FAM110B: variants seen among roughly 807,000 people sequenced by gnomAD.
FAM110B encodes family with sequence similarity 110 member B, also known as protein FAM110B.
FAM110B carries 6 observed loss-of-function variants against 20.4 expected under a neutral mutation model. That is an observed-to-expected ratio of 0.29 (90% CI 0.16 to 0.58). The LOEUF (loss-of-function observed/expected upper bound fraction) is 0.58. FAM110B is among the 20% of genes least tolerant of loss of function. FAM110B has a pLI of 0.90. For missense variants in FAM110B, 434 were observed against 498.2 expected (o/e 0.87, Z 1.23); for synonymous variants, 226 against 214.1 (o/e 1.06, Z -0.49).
chr8:58,039,641 G>C (rs1270783883), intron 2 of FAM110B, among the ~76,000 whole-genome samples: 2 of 152,196 alleles, frequency 1.3e-5, no homozygotes, highest in Admixed American at 6.5e-5. Context: ...AGTACAGCAG[G>C]AATTTCAGAG....
chr8:58,098,168 G>A (rs992613778), intron 3 of FAM110B, among the ~76,000 whole-genome samples: 1 of 152,230 alleles, frequency 6.6e-6, no homozygotes. Flanking sequence ...CAGGTGTTCT[G>A]TCCCAGGGAG....
At chr8:58,071,618 C>G (rs562982472) in intron 2 of FAM110B, among the ~76,000 whole-genome samples, 10 of 152,232 alleles carry the variant, frequency 6.6e-5, no homozygotes, top group African/African-American at 1.9e-4. Flanking sequence ...CCTCCCTCCC[C>G]ACCCCACATT....
chr8:58,093,792 A>G (rs779439727), intron 3 of FAM110B, among the ~76,000 whole-genome samples: 14 of 152,124 alleles, frequency 9.2e-5, no homozygotes, highest in African/African-American at 1.4e-4. Context: ...AAGAAAATCA[A>G]TGGTAGCTTG....
At chr8:58,085,025 G>A (rs1425880070) in intron 3 of FAM110B, among the ~76,000 whole-genome samples, 5 of 152,196 alleles carry the variant, frequency 3.3e-5, no homozygotes, top group Admixed American at 2.6e-4. Flanking sequence ...GGCAGTCAGA[G>A]TAGGGATTGA....
intron 2 of FAM110B, among the ~76,000 whole-genome samples, chr8:58,064,434 A>G (rs1805721434): frequency 6.6e-6 from 1 of 151,958 alleles, no homozygotes; most frequent in Non-Finnish European, 1.5e-5. Context: ...AAATTGCCTC[A>G]TGGAAAAAGT....
chr8:58,036,921 TG>T lies in FAM110B; in HGVS notation c.-414+5219del, dbSNP rs369370521. 1.2e-4 allele frequency among the ~76,000 whole-genome samples: 18 copies of T among 152,342 alleles called. No individual in the cohort carries two copies. The East Asian group carries it at 3.3e-3, about 28-fold the overall frequency. ...TCCAAGTACAAGAGTATACTGGTTT[TG>T]TGAAATTTGGTAATATAAACTTAGA... On this transcript the variant is annotated intron_variant, in intron 2 of 3. Coordinates refer to ENST00000519262, the MANE Select transcript of FAM110B (RefSeq NM_001377989.1).
chr8:58,099,546 A>T (rs1806724379), intron 3 of FAM110B, among the ~76,000 whole-genome samples: 1 of 152,340 alleles, frequency 6.6e-6, no homozygotes, highest in Non-Finnish European at 1.5e-5. Flanking sequence ...AAGTAAGCTT[A>T]TCTATTCAGT....
intron 3 of FAM110B, among the ~76,000 whole-genome samples, chr8:58,099,907 A>G (rs1417787435): frequency 6.6e-6 from 1 of 151,812 alleles, no homozygotes; most frequent in Non-Finnish European, 1.5e-5. Flanking sequence ...GATTTCAGTC[A>G]CTCTCTTCAG....
chr8:58,146,824 C>T lies in FAM110B; in HGVS notation c.594C>T (p.His198=). The part of the protein sequence containing the change: ...QSAESFLHVS[H]SSSDIRKVTS... ...CCGAGTCCTTCCTCCACGTGTCCCA[C>T]AGCTCTTCGGACATCCGCAAGGTGA... is the stretch of plus-strand genomic sequence containing the variant. Residue 198 remains histidine (H), a synonymous_variant, in exon 4 of 4, where the codon CAC becomes CAT. Coordinates refer to ENST00000519262, the MANE Select transcript of FAM110B (RefSeq NM_001377989.1). 1.2e-6 allele frequency: 2 copies of T among 1,611,188 alleles called. No individual in the cohort carries two copies. The highest frequency in any genetic ancestry group is 1.1e-5 in the South Asian group (1 of 90,742).
chr8:58,119,634 A>G (rs1225365221), intron 3 of FAM110B, among the ~76,000 whole-genome samples: 7 of 152,166 alleles, frequency 4.6e-5, no homozygotes, highest in Non-Finnish European at 1.0e-4. Context: ...TGGCAAGGGT[A>G]CTTATAGTCT....
chr8:58,068,560 G>C (rs1805822512), intron 2 of FAM110B, among the ~76,000 whole-genome samples: 1 of 150,628 alleles, frequency 6.6e-6, no homozygotes, highest in Admixed American at 6.6e-5. Context: ...AATGCCTCTT[G>C]AGCATGTCAG....
chr8:58,132,360 G>C (rs946961324), intron 3 of FAM110B, among the ~76,000 whole-genome samples: 1 of 151,868 alleles, frequency 6.6e-6, no homozygotes, highest in African/African-American at 2.4e-5. Context: ...GCTTGGCATC[G>C]TACAGGCTGG....
rs761091750 is a variant in FAM110B, at chr8:58,006,901, G to GTATATATATATATA, written c.-512+12105_-512+12118dup. On this transcript the variant is annotated intron_variant, in intron 1 of 3. Transcript: ENST00000519262. ...TGAGCCACTGGGCCTGGCTTAATTGGTATATATATATATATATATATATTT... is the reference window on the plus strand; with the variant it reads ...TGAGCCACTGGGCCTGGCTTAATTGGTATATATATATATATATATATATATATATATATATATTT... 6.3e-3 allele frequency among the ~76,000 whole-genome samples: 617 copies of GTATATATATATATA among 97,448 alleles called. 24 individuals are homozygous for GTATATATATATATA. Among genetic ancestry groups the GTATATATATATATA allele is most frequent in the African/African-American group, 0.015 (440 of 29,010 alleles). The allele number at this position is 97,448 out of a possible 152,430, so 63.9% of individuals were successfully genotyped here.
At chr8:58,000,990 T>C (rs1333661261) in intron 1 of FAM110B, among the ~76,000 whole-genome samples, 1 of 152,264 alleles carries the variant, frequency 6.6e-6, no homozygotes, top group African/African-American at 2.4e-5. Context: ...TTAATATGAC[T>C]AGTCATGGGT....
intron 1 of FAM110B, among the ~76,000 whole-genome samples, chr8:58,013,693 C>T (rs1301680275): frequency 6.6e-6 from 1 of 152,130 alleles, no homozygotes; most frequent in Non-Finnish European, 1.5e-5. Context: ...TTTATCTTGA[C>T]ACATCATCCT....
intron 2 of FAM110B, among the ~76,000 whole-genome samples, chr8:58,065,292 C>T (rs564208737): frequency 5.9e-5 from 9 of 152,084 alleles, no homozygotes; most frequent in East Asian, 1.9e-4. Flanking sequence ...GTAGACATTA[C>T]GCTTTAGAAG....
chr8:57,995,057 G>T (rs560210550), intron 1 of FAM110B, among the ~76,000 whole-genome samples: 68 of 152,152 alleles, frequency 4.5e-4, no homozygotes, highest in Admixed American at 1.4e-3. Flanking sequence ...GCCGCTGCCT[G>T]CCCCGCGCCC....
intron 2 of FAM110B, among the ~76,000 whole-genome samples, chr8:58,050,362 A>G (rs1805414736): frequency 6.6e-6 from 1 of 152,214 alleles, no homozygotes; most frequent in African/African-American, 2.4e-5. Context: ...TTCCACAGAC[A>G]GTACCCATTT....
chr8:58,004,393 A>G (rs745578606), intron 1 of FAM110B, among the ~76,000 whole-genome samples: 3 of 152,248 alleles, frequency 2.0e-5, no homozygotes. Context: ...CAGCTTCTAC[A>G]TCAGCACTTG....
Sources: allele counts gnomAD v4.1 joint callset (sites outside exome capture counted in the v4.1 genomes callset), GRCh38; gene constraint gnomAD v4.1.1; transcripts MANE v1.5; gene names NCBI Gene and HGNC (gene_info 2026-07-23, HGNC 2026-07-21).